TJP1: variants seen among roughly 807,000 people sequenced by gnomAD.
TJP1 encodes the protein tight junction protein ZO-1.
A neutral mutation model predicts 194.2 loss-of-function variants in TJP1; 43 were observed. The ratio of observed to expected loss-of-function variants is 0.22; its 90% CI spans 0.17 to 0.29. The LOEUF is 0.29. TJP1 is among the 10% of genes least tolerant of loss of function. The pLI, the probability that TJP1 is intolerant of heterozygous loss-of-function variation, is 1.00. For synonymous variants in TJP1, 801 were observed against 779.0 expected (o/e 1.03, Z -0.47); for missense variants, 1,971 against 2,185.7 (o/e 0.90, Z 1.96).
rs1359910551 is a variant in TJP1, at chr15:29,804,897, G to GGCA, written c.28-4198_28-4196dup. 3.4e-4 allele frequency among the ~76,000 whole-genome samples: 51 copies of GGCA among 152,238 alleles called. 1 individual carries two copies. On this transcript the variant is annotated intron_variant, in intron 1 of 27. Transcript: ENST00000614355. ...GGTAAACAGGAAATGAACTAGACCA[G>GGCA]GCATAAGGAGACCAGAGCCGAAAGG...
At chr15:29,855,126 A>G (rs1283515956) in intron 2 of TJP1, among the ~76,000 whole-genome samples, 1 of 151,948 alleles carries the variant, frequency 6.6e-6, no homozygotes, top group East Asian at 1.9e-4. Flanking sequence ...AATATGAAAC[A>G]TAGTTTCAAG....
At chr15:29,847,866 T>C (rs2051478204) in intron 2 of TJP1, among the ~76,000 whole-genome samples, 1 of 152,220 alleles carries the variant, frequency 6.6e-6, no homozygotes, top group Non-Finnish European at 1.5e-5. Context: ...TTCACTGCTA[T>C]GGCTGCATCC....
At chr15:29,878,740 GC>G (rs1432419304) in intron 2 of TJP1, among the ~76,000 whole-genome samples, 1 of 152,174 alleles carries the variant, frequency 6.6e-6, no homozygotes, top group Non-Finnish European at 1.5e-5. Context: ...GTATCTGTTA[GC>G]CATTCTTCCT....
chr15:29,849,582 C>CA (rs920335974), intron 2 of TJP1, among the ~76,000 whole-genome samples: 2 of 151,464 alleles, frequency 1.3e-5, no homozygotes, highest in Non-Finnish European at 2.9e-5. Context: ...ACTAAAAATA[C>CA]AAAAAAATTA....
intron 2 of TJP1, among the ~76,000 whole-genome samples, chr15:29,852,154 T>A (rs2051666403): frequency 6.6e-6 from 1 of 152,226 alleles, no homozygotes; most frequent in Non-Finnish European, 1.5e-5. Flanking sequence ...AATTTTTTGT[T>A]CTGCTAAAGA....
intron 4 of TJP1, among the ~76,000 whole-genome samples, chr15:29,769,865 A>G (rs976003127): frequency 2.6e-5 from 4 of 152,210 alleles, no homozygotes; most frequent in African/African-American, 7.2e-5. Context: ...TTACTATGCT[A>G]AACTTTTTAT....
intron 2 of TJP1, among the ~76,000 whole-genome samples, chr15:29,834,655 C>T (rs1009825689): frequency 2.6e-5 from 4 of 152,110 alleles, no homozygotes; most frequent in Admixed American, 6.5e-5. Context: ...ATATGGTGAA[C>T]GGAAAGAATG....
intron 2 of TJP1, among the ~76,000 whole-genome samples, chr15:29,949,531 C>CACT (rs2055502432): frequency 6.9e-6 from 1 of 143,940 alleles, no homozygotes; most frequent in Non-Finnish European, 1.5e-5. Flanking sequence ...CCACCACCAC[C>CACT]TCCACCACCA....
intron 2 of TJP1, among the ~76,000 whole-genome samples, chr15:29,860,190 TCCCAA>T (rs1272145148): frequency 6.6e-6 from 1 of 152,154 alleles, no homozygotes; most frequent in Non-Finnish European, 1.5e-5. Flanking sequence ...CCTGACCACA[TCCCAA>T]ACTCTGACTC....
intron 1 of TJP1, among the ~76,000 whole-genome samples, chr15:29,961,396 C>T (rs562032555): frequency 7.4e-5 from 9 of 121,740 alleles, no homozygotes; most frequent in South Asian, 2.7e-4. Context: ...GGCCGGACTG[C>T]GGACTGCAGT....
chr15:29,756,337 C>A (rs1337737668), intron 8 of TJP1, among the ~76,000 whole-genome samples: 1 of 152,196 alleles, frequency 6.6e-6, no homozygotes, highest in Non-Finnish European at 1.5e-5. Flanking sequence ...AATTATTTTC[C>A]CTATGTATAT....
intron 19 of TJP1, 164 bp from the exon 20 acceptor site, chr15:29,720,180 G>T: frequency 8.9e-7 from 1 of 1,118,416 alleles, no homozygotes; most frequent in Non-Finnish European, 1.2e-6. Flanking sequence ...CCAGTACATT[G>T]CTGTGTTAAG....
chr15:29,862,636 T>A (rs1229975421), intron 2 of TJP1, among the ~76,000 whole-genome samples: 1 of 135,746 alleles, frequency 7.4e-6, no homozygotes, highest in African/African-American at 2.8e-5. Context: ...GGCAATAGGT[T>A]TTTTTCTTTT....
chr15:29,831,166 A>C (rs2050826958), intron 2 of TJP1, among the ~76,000 whole-genome samples: 1 of 152,172 alleles, frequency 6.6e-6, no homozygotes, highest in African/African-American at 2.4e-5. Context: ...GAAAGAGGAG[A>C]ATATATTTTG....
intron 1 of TJP1, among the ~76,000 whole-genome samples, chr15:29,812,609 G>C (rs1351669656): frequency 6.6e-6 from 1 of 152,066 alleles, no homozygotes; most frequent in East Asian, 1.9e-4. Flanking sequence ...TCTTCTCCCT[G>C]GTGCTCTCTT....
At chr15:29,939,053 C>T (rs1181341967) in intron 2 of TJP1, among the ~76,000 whole-genome samples, 1 of 152,166 alleles carries the variant, frequency 6.6e-6, no homozygotes, top group Non-Finnish European at 1.5e-5. Flanking sequence ...TTTTCCCAGG[C>T]TCAGTGTCTT....
chr15:29,860,841 T>C lies in TJP1; in HGVS notation c.307-60139A>G, dbSNP rs142540039. Among the ~76,000 whole-genome samples the C allele has an allele frequency of 1.1e-4, 16 of 152,348 alleles. No homozygotes were observed. In the East Asian group the frequency reaches 3.1e-3, roughly 29 times the overall value. ...AGCAAGTCGACAGGCACCATTTTTC[T>C]AATGGCCTGTACTCACCTTGTTAGC... On this transcript the variant is annotated intron_variant, in intron 2 of 28. Transcript: ENST00000356107.
At chr15:29,874,153 CAG>C (rs1419499782) in intron 2 of TJP1, among the ~76,000 whole-genome samples, 1 of 152,132 alleles carries the variant, frequency 6.6e-6, no homozygotes, top group African/African-American at 2.4e-5. Context: ...AGCCAAATGA[CAG>C]TAACGGAGGT....
intron 2 of TJP1, among the ~76,000 whole-genome samples, chr15:29,847,783 T>A (rs1190627468): frequency 6.6e-6 from 1 of 152,110 alleles, no homozygotes; most frequent in African/African-American, 2.4e-5. Flanking sequence ...AGACTCTGTC[T>A]CAAAAAAATA....
Sources: allele counts gnomAD v4.1 joint callset (sites outside exome capture counted in the v4.1 genomes callset), GRCh38; gene constraint gnomAD v4.1.1; transcripts MANE v1.5; gene names NCBI Gene and HGNC (gene_info 2026-07-23, HGNC 2026-07-21).